The following ACTN3 variants were observed in gnomAD, a reference collection of about 807,000 sequenced individuals.
The protein encoded by ACTN3 is actinin alpha 3, also known as alpha-actinin-3.
Under a neutral mutation model 119.6 loss-of-function variants are expected in ACTN3, and 91 were observed. The observed-to-expected ratio is 0.76, with a 90% CI of 0.64 to 0.91. The LOEUF (loss-of-function observed/expected upper bound fraction) is 0.91. ACTN3 is among the 40% of genes least tolerant of loss of function. ACTN3 has a pLI of 0.00. For missense variants in ACTN3, 1,221 were observed against 1,215.1 expected, an observed-to-expected ratio of 1.00 and a Z score of -0.07; for synonymous variants, 456 against 478.8, an observed-to-expected ratio of 0.95 and a Z score of 0.62.
At chr11:66,555,022 A>T in intron 5 of ACTN3, 108 bp from the exon 6 acceptor site, 1 of 964,268 alleles carries the variant, frequency 1.0e-6, no homozygotes, top group Non-Finnish European at 1.6e-6. Context: ...TTTGTACTTT[A>T]CTCCATTTTA....
chr11:66,560,220 C>G lies in ACTN3; in HGVS notation c.1586C>G (p.Ala529Gly). Reference protein sequence around the residue: ...ETIDRLQLEFARRAAPFNNWL... With the variant: ...ETIDRLQLEFGRRAAPFNNWL... ...ATTGACCGGCTGCAACTGGAGTTTG[C>G]CCGGCGGGCCGCGCCCTTCAACAAC... Residue 529 changes from alanine (A) to glycine (G), a missense_variant, in exon 14 of 21, where the codon GCC becomes GGC. Physicochemically the swap from Ala to Gly is moderately conservative, Grantham distance 60 (BLOSUM62 0). Transcript: ENST00000513398. 1 of 1,611,394 alleles carries G rather than the reference C, an allele frequency of 6.2e-7. No individual in the cohort carries two copies. The highest frequency in any genetic ancestry group is 8.5e-7 in the Non-Finnish European group (1 of 1,178,826).
rs1257063574 is a variant in ACTN3, at chr11:66,557,723, G to A, written c.922G>A (p.Val308Ile). 2 of 1,612,974 alleles carry A rather than the reference G, an allele frequency of 1.2e-6. No homozygotes were observed. Among genetic ancestry groups the A allele is most frequent in the Admixed American group, 3.3e-5 (2 of 59,880 alleles). The change falls in exon 10 of 21, where the codon GTC becomes ATC. Residue 308 changes from valine (V) to isoleucine (I), a missense_variant. Transcript: ENST00000513398. ...SELLEWIRRT[V>I]PWLENRVGEP... ...GCTGCTGGAGTGGATCCGCCGCACT[G>A]TCCCATGGCTGGAGAACCGTGTGGG...
intron 1 of ACTN3, among the ~76,000 whole-genome samples, chr11:66,550,772 G>C (rs1215046747): frequency 6.6e-6 from 1 of 151,844 alleles, no homozygotes; most frequent in East Asian, 1.9e-4. Flanking sequence ...TAGAAGGTCA[G>C]TAGCACTGAG....
At position 66,561,291 on chromosome 11, in the gene ACTN3, A is replaced by G. The variant is rs1857754905; in HGVS notation, c.1925A>G (p.Asn642Ser). The change falls in exon 16 of 21, where the codon AAC becomes AGC. Residue 642 changes from asparagine to serine, a missense_variant. Physicochemically the swap from Asn to Ser is conservative, Grantham distance 46 (BLOSUM62 1). Coordinates refer to ENST00000513398, the MANE Select transcript of ACTN3 (RefSeq NM_001104.4). The part of the protein sequence containing the change: ...LQEELARQQV[N>S]ERLRRQFAAQ... ...GAGGAGCTGGCACGGCAGCAGGTAA[A>G]CGAGAGGCTCCGGCGACAGTTTGCG... The G allele has an allele frequency of 6.2e-7, 1 of 1,608,514 alleles. No homozygotes were observed. The highest frequency in any genetic ancestry group is 1.3e-5 in the African/African-American group (1 of 74,974).
Position 66,551,615 on chromosome 11 carries a change from AG to A in ACTN3, c.355del (p.Val119LeufsTer16), listed in dbSNP as rs1466923268. On this transcript the variant is annotated frameshift_variant, in exon 3 of 21. Coordinates refer to ENST00000513398, the MANE Select transcript of ACTN3 (RefSeq NM_001104.4). LOFTEE classifies it high-confidence loss of function. ...VNKALDFIAS[K>X]GVKLVSIGAE... ...AAGGCCCTGGACTTCATTGCCAGCA[AG>A]GGGGTTAAACTGGTGTCCATTGGTG... The A allele has an allele frequency of 6.2e-7, 1 of 1,613,952 alleles. No individual in the cohort carries two copies. The highest frequency in any genetic ancestry group is 1.3e-5 in the African/African-American group (1 of 75,060).
At position 66,556,248 on chromosome 11, in the gene ACTN3, C is replaced by T; in HGVS notation, c.804+18C>T. The T allele has an allele frequency of 6.2e-7, 1 of 1,611,668 alleles. No individual in the cohort carries two copies. Among genetic ancestry groups the T allele is most frequent in the Non-Finnish European group, 8.5e-7 (1 of 1,178,680 alleles). ...CTGAGCAGGTAAGGCGGCCCAACTGCTGCTGCCTGGGCTTGTGGACCCAAG... is the reference window on the plus strand; with the variant it reads ...CTGAGCAGGTAAGGCGGCCCAACTGTTGCTGCCTGGGCTTGTGGACCCAAG... On this transcript the variant is annotated intron_variant, in intron 8 of 20. Coordinates refer to ENST00000513398, the MANE Select transcript of ACTN3 (RefSeq NM_001104.4).
intron 8 of ACTN3, among the ~76,000 whole-genome samples, 187 bp downstream of exon 8, chr11:66,556,417 C>T (rs957743267): frequency 6.6e-6 from 1 of 152,164 alleles, no homozygotes; most frequent in Admixed American, 6.5e-5. Flanking sequence ...GAGCCGTGCT[C>T]CCCCAATCCC....
chr11:66,559,009 C>A, intron 11 of ACTN3: 1 of 404,058 alleles, frequency 2.5e-6, no homozygotes, highest in Non-Finnish European at 4.3e-6. Flanking sequence ...TACCAAGGGC[C>A]CCCTGGACGT....
intron 8 of ACTN3, among the ~76,000 whole-genome samples, chr11:66,556,889 T>G (rs531490): frequency 0.59 from 89,123 of 152,022 alleles, 27,056 homozygotes; most frequent in African/African-American, 0.75. Context: ...GCCTCCCAGG[T>G]AGCTGAGACT....
intron 17 of ACTN3, 112 bp downstream of exon 17, chr11:66,561,749 G>C: frequency 7.4e-7 from 1 of 1,345,436 alleles, no homozygotes; most frequent in Non-Finnish European, 1.0e-6. Context: ...AGTTCAGCTT[G>C]GCCAGGTCCC....
chr11:66,553,487 G>A (rs565647667), intron 3 of ACTN3, among the ~76,000 whole-genome samples: 6 of 151,098 alleles, frequency 4.0e-5, no homozygotes, highest in South Asian at 4.2e-4. Flanking sequence ...CCCAGGAGGC[G>A]GAGGTTGCAG....
At chr11:66,546,765 CT>C, upstream of ACTN3, 1 of 1,535,532 alleles carries the variant, frequency 6.5e-7, no homozygotes, top group Non-Finnish European at 8.7e-7. Flanking sequence ...CAGTTCCCGG[CT>C]TCAGGACAAC....
intron 1 of ACTN3, among the ~76,000 whole-genome samples, chr11:66,550,319 G>A (rs1026722428): frequency 2.0e-5 from 3 of 152,198 alleles, no homozygotes; most frequent in Non-Finnish European, 2.9e-5. Flanking sequence ...CCTGAAGGGC[G>A]GTAGGTTGGC....
intron 4 of ACTN3, 61 bp downstream of exon 4, chr11:66,554,192 G>C: frequency 6.8e-7 from 1 of 1,474,030 alleles, no homozygotes; most frequent in Non-Finnish European, 9.4e-7. Flanking sequence ...AATCCCCACA[G>C]TTTGGGAGGT....
rs1857477568 is a variant in ACTN3, at chr11:66,551,769, A to C, written c.382+122A>C. The stretch of plus-strand genomic sequence containing the variant: ...ATGAGAATAATCCCTGCCTCGCAAG[A>C]GAGCCTGTAAAGAGCCAGTATGCCA... On this transcript the variant is annotated intron_variant, in intron 3 of 20. Coordinates refer to ENST00000513398, the MANE Select transcript of ACTN3 (RefSeq NM_001104.4). 5 of 1,432,728 alleles carry C rather than the reference A, an allele frequency of 3.5e-6. No homozygotes were observed. The South Asian group carries it at 6.8e-5, about 20-fold the overall frequency. The allele number at this position is 1,432,728 out of a possible 1,614,324, so 88.8% of individuals were successfully genotyped here. A position where few individuals can be genotyped will look rare whatever the true frequency, so the allele number is the denominator to read the frequency against.
chr11:66,554,725 A>C, intron 5 of ACTN3, 102 bp downstream of exon 5: 1 of 969,416 alleles, frequency 1.0e-6, no homozygotes, highest in Non-Finnish European at 1.5e-6. Context: ...GGTCTCTGTC[A>C]CAAGCCACAG....
chr11:66,563,042 T>C lies in ACTN3; in HGVS notation c.2555T>C (p.Ile852Thr), dbSNP rs762102870. The C allele has an allele frequency of 1.2e-6, 2 of 1,611,276 alleles. No homozygotes were observed. The highest frequency in any genetic ancestry group is 2.2e-5 in the South Asian group (2 of 90,856). ...FKILAGDKNYITPEELRRELP... is the reference protein window; with the variant it reads ...FKILAGDKNYTTPEELRRELP... ...AACGCCTCTTCTCCCCAGAACTACA[T>C]CACCCCCGAGGAGCTGCGGCGCGAG... Residue 852 changes from isoleucine (I) to threonine (T), a missense_variant, in exon 21 of 21, where the codon ATC (isoleucine) becomes ACC (threonine). By Grantham distance (89) the Ile-to-Thr change is moderately conservative. Coordinates refer to ENST00000513398, the MANE Select transcript of ACTN3 (RefSeq NM_001104.4).
In ACTN3 at chr11:66,558,094, A is replaced by C. The variant is rs1247773260; in HGVS notation, c.1196A>C (p.Glu399Ala). Residue 399 changes from glutamate (E) to alanine (A), a missense_variant, in exon 11 of 21, where the codon GAG (glutamate) becomes GCG (alanine). This residue lies in a region of ACTN3 where 934 missense variants were observed against 899.9 expected (regional missense o/e 1.04). Coordinates refer to ENST00000513398, the MANE Select transcript of ACTN3 (RefSeq NM_001104.4). ...EKGYEDWLLS[E>A]IRRLQRLQHL... ...GGCTATGAGGACTGGCTGCTCTCGG[A>C]GATCCGGCGCCTGCAGCGACTCCAG... is the stretch of plus-strand genomic sequence containing the variant. 2 of 1,613,684 alleles carry C rather than the reference A, an allele frequency of 1.2e-6. No homozygotes were observed. The highest frequency in any genetic ancestry group is 2.7e-5 in the African/African-American group (2 of 74,940).
chr11:66,549,107 C>G (rs1408807062), intron 1 of ACTN3, among the ~76,000 whole-genome samples: 1 of 152,218 alleles, frequency 6.6e-6, no homozygotes, highest in Non-Finnish European at 1.5e-5. Context: ...CTCCGGCCTG[C>G]CTCTCACCAC....
Sources: gnomAD v4.1 joint callset for allele counts (sites outside exome capture counted in the v4.1 genomes callset) on GRCh38, gnomAD v4.1.1 for gene constraint, gnomAD v4.1.1 regional missense constraint, MANE v1.5 for transcripts, NCBI Gene and HGNC (gene_info 2026-07-23, HGNC 2026-07-21) for gene names.